The following XIRP1 variants were observed in gnomAD, a reference collection of about 807,000 sequenced individuals.
XIRP1 encodes xin actin-binding repeat-containing protein 1.
For synonymous variants in XIRP1, 984 were observed against 947.0 expected, an observed-to-expected ratio of 1.04 and a Z score of -0.72; for missense variants, 2,378 against 2,345.4, an observed-to-expected ratio of 1.01 and a Z score of -0.29.
chr3:39,187,466 T>C lies in XIRP1; in HGVS notation c.1980A>G (p.Arg660=). 1 of 1,612,484 alleles carries C rather than the reference T, an allele frequency of 6.2e-7. No homozygotes were observed. Among genetic ancestry groups the C allele is most frequent in the Non-Finnish European group, 8.5e-7 (1 of 1,179,620 alleles). The change falls in exon 2 of 2, where the codon AGA becomes AGG. Residue 660 remains arginine, a synonymous_variant. Transcript: ENST00000340369. ...GAAGAGGCTCGGTCTCAAAGACGTGTCTGTCTGTCTGTCTTTCCCCAGCCG... is the reference window on the plus strand; with the variant it reads ...GAAGAGGCTCGGTCTCAAAGACGTGCCTGTCTGTCTGTCTTTCCCCAGCCG... ...QVPAGERQTD[R]HVFETEPLQA...
rs200394695 is a variant in XIRP1, at chr3:39,185,706, G to A, written c.3740C>T (p.Pro1247Leu). 53 of 1,611,622 alleles carry A rather than the reference G, an allele frequency of 3.3e-5. 1 individual carries two copies. Among genetic ancestry groups the A allele is most frequent in the East Asian group, 3.1e-4 (14 of 44,852 alleles). ...AGGAACAAAGGCATTATGGGGGTGC[G>A]GGCTGGCACCTGCAGCTTGGGGCCC... ...ASGPQAAGASPHPHNAFVPPP... is the reference protein window; with the variant it reads ...ASGPQAAGASLHPHNAFVPPP... Residue 1247 changes from proline to leucine, a missense_variant, in exon 2 of 2, where the codon CCG becomes CTG. Physicochemically the swap from Pro to Leu is moderately conservative, Grantham distance 98 (BLOSUM62 -3). Coordinates refer to ENST00000340369, the MANE Select transcript of XIRP1 (RefSeq NM_194293.4).
rs1205896189 is a variant in XIRP1, at chr3:39,189,387, T to C, written c.59A>G (p.Glu20Gly). Reference protein sequence around the residue: ...PTPTMRMATAEDLPLPPPPAL... With the variant: ...PTPTMRMATAGDLPLPPPPAL... ...TGGGGGTGGAGGGAGGGGCAGGTCC[T>C]CTGCAGTTGCCATCCTCATGGTTGG... The change falls in exon 2 of 2, where the codon GAG becomes GGG. Residue 20 changes from glutamate (E) to glycine (G), a missense_variant. Transcript: ENST00000340369. 7 of 1,610,438 alleles carry C rather than the reference T, an allele frequency of 4.3e-6. No individual in the cohort carries two copies. Among genetic ancestry groups the C allele is most frequent in the Non-Finnish European group, 5.9e-6 (7 of 1,178,760 alleles).
intron 1 of XIRP1, among the ~76,000 whole-genome samples, chr3:39,191,822 C>A (rs544132975): frequency 7.9e-5 from 12 of 152,228 alleles, no homozygotes; most frequent in Non-Finnish European, 1.6e-4. Flanking sequence ...GTCTCCCTCC[C>A]GTGAGCCCCC....
Position 39,186,901 on chromosome 3 carries a change from C to T in XIRP1, c.2545G>A (p.Glu849Lys), listed in dbSNP as rs749150056. 3.1e-6 allele frequency: 5 copies of T among 1,613,848 alleles called. 1 individual carries two copies. The highest frequency in any genetic ancestry group is 1.1e-5 in the South Asian group (1 of 91,094). Residue 849 changes from glutamate (E) to lysine (K), a missense_variant, in exon 2 of 2, where the codon GAA becomes AAA. Glu to Lys is a moderately conservative substitution (Grantham distance 56). Transcript: ENST00000340369. ...DVDQQGLLVQ[E>K]DPTGQLQLKP... is the part of the protein sequence containing the mutation. ...AGTTGGAGCTGGCCAGTTGGGTCTT[C>T]CTGCACCAGCAGCCCCTGCTGGTCC...
At chr3:39,190,839 C>T (rs139561637) in intron 1 of XIRP1, among the ~76,000 whole-genome samples, 57 of 152,316 alleles carry the variant, frequency 3.7e-4, no homozygotes, top group Non-Finnish European at 7.1e-4. Context: ...TAGCTGAGGT[C>T]CTGGCCTCAG....
rs2039948529 is a variant in XIRP1 at position 39,185,431 on chromosome 3, G to C, written c.4015C>G (p.Pro1339Ala). Residue 1339 changes from proline to alanine, a missense_variant, in exon 2 of 2, where the codon CCT becomes GCT. By Grantham distance (27) the Pro-to-Ala change is conservative (BLOSUM62 -1). Transcript: ENST00000340369. The part of the protein sequence containing the change: ...KPAHLTQSHP[P>A]QRLPKPLPLS... Reference sequence around the variant, plus strand: ...GGCAAGGGCTTGGGCAGCCTCTGAGGAGGGTGGCTCTGGGTTAGGTGTGCA... The same window carrying C: ...GGCAAGGGCTTGGGCAGCCTCTGAGCAGGGTGGCTCTGGGTTAGGTGTGCA... The C allele has an allele frequency of 6.2e-7, 1 of 1,611,062 alleles. No individual in the cohort carries two copies. The highest frequency in any genetic ancestry group is 1.1e-5 in the South Asian group (1 of 90,634).
chr3:39,184,795 CA>C lies in XIRP1; in HGVS notation c.4650del (p.Ile1550MetfsTer134). Reference sequence around the variant, plus strand: ...CTGAGTGCCTTGTGCACAGCCTCTTCAATGTCCAGCAGCCTTGCCAAGGTCT... The same window carrying C: ...CTGAGTGCCTTGTGCACAGCCTCTTCATGTCCAGCAGCCTTGCCAAGGTCT... ...KEQTLARLLD[I>X]EEAVHKALSS... is the part of the protein sequence containing the mutation. On this transcript the variant is annotated frameshift_variant, in exon 2 of 2. Coordinates refer to ENST00000340369, the MANE Select transcript of XIRP1 (RefSeq NM_194293.4). LOFTEE classifies it low-confidence loss of function (END_TRUNC). 3 of 1,614,248 alleles carry C rather than the reference CA, an allele frequency of 1.9e-6. No individual in the cohort carries two copies. Among genetic ancestry groups the C allele is most frequent in the Non-Finnish European group, 2.5e-6 (3 of 1,180,038 alleles).
chr3:39,183,767 G>A lies in XIRP1; in HGVS notation c.*147C>T. The A allele has an allele frequency of 7.7e-7, 1 of 1,302,816 alleles. No homozygotes were observed. The highest frequency in any genetic ancestry group is 1.0e-6 in the Non-Finnish European group (1 of 981,118). The allele number at this position is 1,302,816 out of a possible 1,614,324, so 80.7% of individuals were successfully genotyped here. Reference sequence around the variant, plus strand: ...AAGAACTGGGCCTATTGAAAGAACTGCGAAAGGGAAATGGCCCACAGTAAT... The same window carrying A: ...AAGAACTGGGCCTATTGAAAGAACTACGAAAGGGAAATGGCCCACAGTAAT... On this transcript the variant is annotated 3_prime_UTR_variant, in exon 2 of 2. Coordinates refer to ENST00000340369, the MANE Select transcript of XIRP1 (RefSeq NM_194293.4).
In XIRP1 at chr3:39,187,464, T is replaced by A. The variant is rs1206686410; in HGVS notation, c.1982A>T (p.His661Leu). The A allele has an allele frequency of 2.3e-5, 37 of 1,612,408 alleles. No homozygotes were observed. The highest frequency in any genetic ancestry group is 3.1e-5 in the Non-Finnish European group (37 of 1,179,582). ...VPAGERQTDR[H>L]VFETEPLQAS... ...CTGAAGAGGCTCGGTCTCAAAGACG[T>A]GTCTGTCTGTCTGTCTTTCCCCAGC... Residue 661 changes from histidine (H) to leucine (L), a missense_variant, in exon 2 of 2, where the codon CAC becomes CTC. Transcript: ENST00000340369.
rs148895799 is a variant in XIRP1, at chr3:39,184,484, C to G, written c.4962G>C (p.Leu1654Phe). Residue 1654 changes from leucine (L) to phenylalanine (F), a missense_variant, in exon 2 of 2, where the codon TTG becomes TTC. Coordinates refer to ENST00000340369, the MANE Select transcript of XIRP1 (RefSeq NM_194293.4). ...TGGAAGGTAAAACCCGAGGAGGGCA[C>G]AAATACTCTCTTGATGTCTCCTGCC... ...TRRQETSREY[L>F]CPPRVLPSSR... 5.0e-6 allele frequency: 8 copies of G among 1,613,956 alleles called. No homozygotes were observed. The highest frequency in any genetic ancestry group is 1.7e-5 in the Admixed American group (1 of 60,010).
At position 39,186,116 on chromosome 3, in the gene XIRP1, A is replaced by T. The variant is rs752251645; in HGVS notation, c.3330T>A (p.Asp1110Glu). ...TTCTGGGGGCTGCTGGGATCCGGGG[A>T]TCACTTCCACCCCCAGGCCTTATGT... ...QSNIRPGGGS[D>E]PRIPAAPRKV... The change falls in exon 2 of 2, where the codon GAT becomes GAA. Residue 1110 changes from aspartate (D) to glutamate (E), a missense_variant. Coordinates refer to ENST00000340369, the MANE Select transcript of XIRP1 (RefSeq NM_194293.4). The T allele has an allele frequency of 6.2e-7, 1 of 1,613,066 alleles. No individual in the cohort carries two copies. Among genetic ancestry groups the T allele is most frequent in the Non-Finnish European group, 8.5e-7 (1 of 1,179,382 alleles).
Position 39,184,597 on chromosome 3 carries a change from A to T in XIRP1, c.4849T>A (p.Cys1617Ser). The change falls in exon 2 of 2, where the codon TGC becomes AGC. Residue 1617 changes from cysteine to serine, a missense_variant. By Grantham distance (112) the Cys-to-Ser change is moderately radical (BLOSUM62 -1). Coordinates refer to ENST00000340369, the MANE Select transcript of XIRP1 (RefSeq NM_194293.4). Reference sequence around the variant, plus strand: ...ACTTGACTCTGGGCCTCAGTGTGGCATTCAACCTTGGCTTGGTTCTTGACT... The same window carrying T: ...ACTTGACTCTGGGCCTCAGTGTGGCTTTCAACCTTGGCTTGGTTCTTGACT... Reference protein sequence around the residue: ...TAVKNQAKVECHTEAQSQVKI... With the variant: ...TAVKNQAKVESHTEAQSQVKI... 6.2e-7 allele frequency: 1 copy of T among 1,613,948 alleles called. No individual in the cohort carries two copies. The highest frequency in any genetic ancestry group is 8.5e-7 in the Non-Finnish European group (1 of 1,179,910).
Position 39,184,710 on chromosome 3 carries a change from T to G in XIRP1, c.4736A>C (p.Lys1579Thr). ...ACTGATCTTGTGGGCACTGTGGTCTTTTGGAGGTCCCTGGAAATGGCCTCT... is the reference window on the plus strand; with the variant it reads ...ACTGATCTTGTGGGCACTGTGGTCTGTTGGAGGTCCCTGGAAATGGCCTCT... ...SARGHFQGPPKDHSAHKISVT... is the reference protein window; with the variant it reads ...SARGHFQGPPTDHSAHKISVT... The change falls in exon 2 of 2, where the codon AAA becomes ACA. Residue 1579 changes from lysine (K) to threonine (T), a missense_variant. Transcript: ENST00000340369. 1 of 1,614,246 alleles carries G rather than the reference T, an allele frequency of 6.2e-7. No individual in the cohort carries two copies. Among genetic ancestry groups the G allele is most frequent in the Non-Finnish European group, 8.5e-7 (1 of 1,180,032 alleles).
chr3:39,192,418 T>G (rs1321072007), intron 1 of XIRP1, 28 bp downstream of exon 1: 1 of 152,294 alleles, frequency 6.6e-6, no homozygotes, highest in Admixed American at 6.5e-5. Context: ...AGCCTTGCTG[T>G]GGAAGGATGG....
In XIRP1 at chr3:39,188,562, G is replaced by A. The variant is rs866783562; in HGVS notation, c.884C>T (p.Ser295Phe). The A allele has an allele frequency of 1.2e-6, 2 of 1,612,714 alleles. No homozygotes were observed. The highest frequency in any genetic ancestry group is 1.7e-6 in the Non-Finnish European group (2 of 1,178,916). Residue 295 changes from serine (S) to phenylalanine (F), a missense_variant, in exon 2 of 2, where the codon TCC becomes TTC. Transcript: ENST00000340369. ...GTCGGGCCGGGCCCCCTCCTCCAGG[G>A]AAATCCCCCGGATCACCCGCACCTG... ...PSQVRVIRGI[S>F]LEEGARPDVS...
Position 39,189,292 on chromosome 3 carries a change from T to C in XIRP1, c.154A>G (p.Ser52Gly). The change falls in exon 2 of 2, where the codon AGT (serine) becomes GGT (glycine). Residue 52 changes from serine (S) to glycine (G), a missense_variant. Ser to Gly is a moderately conservative substitution (Grantham distance 56). Transcript: ENST00000340369. ...TGCCTGTAGAGGCGGCGGAGCTCAC[T>C]AGCTTGCCGCTGCTGATGGAACTTG... ...FSKFHQQRQA[S>G]ELRRLYRHIH... 1 of 1,613,704 alleles carries C rather than the reference T, an allele frequency of 6.2e-7. No individual in the cohort carries two copies. Among genetic ancestry groups the C allele is most frequent in the Non-Finnish European group, 8.5e-7 (1 of 1,179,976 alleles).
At position 39,189,190 on chromosome 3, in the gene XIRP1, G is replaced by T; in HGVS notation, c.256C>A (p.Pro86Thr). 1.2e-6 allele frequency: 2 copies of T among 1,614,188 alleles called. No homozygotes were observed. Among genetic ancestry groups the T allele is most frequent in the South Asian group, 2.2e-5 (2 of 91,086 alleles). ...ATGCACTGAACGTCACCCTCGGTGGGTTCCTCAGAGCCCAGGACCTCAGCC... is the reference window on the plus strand; with the variant it reads ...ATGCACTGAACGTCACCCTCGGTGGTTTCCTCAGAGCCCAGGACCTCAGCC... ...DLAEVLGSEE[P>T]TEGDVQCMRW... Residue 86 changes from proline (P) to threonine (T), a missense_variant, in exon 2 of 2, where the codon CCC (proline) becomes ACC (threonine). By Grantham distance (38) the Pro-to-Thr change is conservative (BLOSUM62 -1). Coordinates refer to ENST00000340369, the MANE Select transcript of XIRP1 (RefSeq NM_194293.4).
Position 39,187,269 on chromosome 3 carries a change from T to A in XIRP1, c.2177A>T (p.His726Leu), listed in dbSNP as rs747524172. Residue 726 changes from histidine (H) to leucine (L), a missense_variant, in exon 2 of 2, where the codon CAC (histidine) becomes CTC (leucine). Transcript: ENST00000340369. ...IAGSIPAGSV[H>L]KFTWLFENCP... ...ATTCTCAAAAAGCCAAGTGAACTTG[T>A]GGACAGAACCCGCGGGGATGGACCC... 1 of 1,584,258 alleles carries A rather than the reference T, an allele frequency of 6.3e-7. No homozygotes were observed. The highest frequency in any genetic ancestry group is 2.3e-5 in the East Asian group (1 of 44,384).
In XIRP1 at chr3:39,187,556, G is replaced by C. The variant is rs748608898; in HGVS notation, c.1890C>G (p.Phe630Leu). The change falls in exon 2 of 2, where the codon TTC (phenylalanine) becomes TTG (leucine). Residue 630 changes from phenylalanine to leucine, a missense_variant. Coordinates refer to ENST00000340369, the MANE Select transcript of XIRP1 (RefSeq NM_194293.4). ...CTGGCCTGTCCACAGGTTGGGGCTT[G>C]AACATCCAGGTGCAGGACTGTGCCT... ...KAEAQSCTWM[F>L]KPQPVDRPVG... 2 of 1,614,040 alleles carry C rather than the reference G, an allele frequency of 1.2e-6. No individual in the cohort carries two copies. Among genetic ancestry groups the C allele is most frequent in the Admixed American group, 3.3e-5 (2 of 60,032 alleles).
Sources: allele counts gnomAD v4.1 joint callset (sites outside exome capture counted in the v4.1 genomes callset), GRCh38; gene constraint gnomAD v4.1.1; transcripts MANE v1.5; gene names NCBI Gene and HGNC (gene_info 2026-07-23, HGNC 2026-07-21).